Variants in HABP2 observed in about 807,000 individuals in gnomAD.
HABP2 encodes factor VII-activating protease.
HABP2 carries 65 observed loss-of-function variants against 66.5 expected under a neutral mutation model. The observed-to-expected ratio is 0.98, with a 90% confidence interval of 0.80 to 1.20. HABP2 has a LOEUF of 1.20. Ranked by LOEUF, HABP2 falls within the 50% of genes most tolerant of loss-of-function variation. HABP2 has a pLI of 0.00. For synonymous variants in HABP2, 263 were observed against 253.9 expected, an observed-to-expected ratio of 1.04 and a Z score of -0.34; for missense variants, 786 against 691.0, an observed-to-expected ratio of 1.14 and a Z score of -1.54.
chr10:113,568,918 C>A (rs555610774), intron 2 of HABP2, among the ~76,000 whole-genome samples: 1 of 152,336 alleles, frequency 6.6e-6, no homozygotes, highest in East Asian at 1.9e-4. Flanking sequence ...TCATGACACC[C>A]TGGAATTGTG....
At chr10:113,580,837 C>T (rs758224014) in intron 8 of HABP2, 145 bp downstream of exon 8, 1 of 597,522 alleles carries the variant, frequency 1.7e-6, no homozygotes, top group Non-Finnish European at 3.0e-6. Context: ...AGCCCAACTG[C>T]CCAACTGTCT....
chr10:113,580,758 C>T lies in HABP2; in HGVS notation c.838+66C>T, dbSNP rs1845513285. ...GATGGAGATTTGTAGGGAGATGTCC[C>T]TGGCACCTGGTCCCTCCCTCACCCT... On this transcript the variant is annotated intron_variant, in intron 8 of 12. Coordinates refer to ENST00000351270, the MANE Select transcript of HABP2 (RefSeq NM_004132.5). 3.7e-6 allele frequency: 3 copies of T among 821,260 alleles called. No homozygotes were observed. The East Asian group carries it at 7.3e-5, about 20-fold the overall frequency. The allele number at this position is 821,260 out of a possible 1,614,324, so 50.9% of individuals were successfully genotyped here. A position where few individuals can be genotyped will look rare whatever the true frequency, so the allele number is the denominator to read the frequency against.
chr10:113,560,737 C>T (rs1429567096), intron 1 of HABP2, among the ~76,000 whole-genome samples: 1 of 152,182 alleles, frequency 6.6e-6, no homozygotes, highest in Non-Finnish European at 1.5e-5. Flanking sequence ...ACCTTGGAAA[C>T]ACGATGCACA....
chr10:113,578,024 A>G lies in HABP2; in HGVS notation c.449-2A>G. On this transcript the variant is annotated splice_acceptor_variant, in intron 5 of 12. Coordinates refer to ENST00000351270, the MANE Select transcript of HABP2 (RefSeq NM_004132.5). LOFTEE classifies it high-confidence loss of function. ...TTCCTGGCCCCATTCCTGTGTTCAC[A>G]GTGGTTCCTGTATGCAGGCCAAACC... 6.2e-7 allele frequency: 1 copy of G among 1,614,040 alleles called. No individual in the cohort carries two copies. Among genetic ancestry groups the G allele is most frequent in the East Asian group, 2.2e-5 (1 of 44,876 alleles).
chr10:113,559,291 G>A (rs1275796155), intron 1 of HABP2, among the ~76,000 whole-genome samples: 3 of 152,180 alleles, frequency 2.0e-5, no homozygotes, highest in Non-Finnish European at 2.9e-5. Flanking sequence ...CAAGTCCCTG[G>A]GATGAGCCAT....
At chr10:113,552,997 G>C (rs1844923778), upstream of HABP2, 2 of 708,278 alleles carry the variant, frequency 2.8e-6, no homozygotes, top group African/African-American at 3.6e-5. Context: ...TTGATGCCTA[G>C]TTAATAATTT....
chr10:113,572,877 T>C (rs779793778), intron 2 of HABP2: 1 of 253,396 alleles, frequency 3.9e-6, no homozygotes. Flanking sequence ...AAAAAAGAAA[T>C]AAAAAGCTAG....
chr10:113,560,739 C>T (rs7093962), intron 1 of HABP2, among the ~76,000 whole-genome samples: 146,974 of 152,300 alleles, frequency 0.97, 71,000 homozygotes, highest in East Asian at 1. Context: ...CTTGGAAACA[C>T]GATGCACAGT....
rs767579535 is a variant in HABP2 at position 113,580,725 on chromosome 10, G to T, written c.838+33G>T. On this transcript the variant is annotated intron_variant, in intron 8 of 12. Transcript: ENST00000351270. ...CCATGGCTGTTCAGAAGCCCAGGGG[G>T]TGGGGGGGATGGAGATTTGTAGGGA... 4 of 1,126,826 alleles carry T rather than the reference G, an allele frequency of 3.5e-6. No individual in the cohort carries two copies. The South Asian group carries it at 3.7e-5, about 10-fold the overall frequency. 69.8% of individuals were successfully genotyped at this position (1,126,826 alleles called of 1,614,324 possible).
chr10:113,578,351 G>C (rs1845453351), intron 6 of HABP2, among the ~76,000 whole-genome samples: 1 of 152,196 alleles, frequency 6.6e-6, no homozygotes, highest in South Asian at 2.1e-4. Flanking sequence ...CAAACCACTT[G>C]GGCATCCCTA....
At position 113,577,263 on chromosome 10, in the gene HABP2, C is replaced by T; in HGVS notation, c.445C>T (p.Gln149Ter). Residue 149 changes from glutamine to a stop codon, truncating the protein, a stop_gained, in exon 5 of 13, where the codon CAA becomes TAA. Coordinates refer to ENST00000351270, the MANE Select transcript of HABP2 (RefSeq NM_004132.5). LOFTEE classifies it high-confidence loss of function. ...KHPYTGPSCS[Q>*]VVPVCRPNPC... is the part of the protein sequence containing the mutation. ...CCCTTACACAGGTCCCAGCTGCTCC[C>T]AAGGTAAGTGGTGGAGGCCCCTTCG... 1 of 1,545,408 alleles carries T rather than the reference C, an allele frequency of 6.5e-7. No homozygotes were observed. The highest frequency in any genetic ancestry group is 9.0e-7 in the Non-Finnish European group (1 of 1,117,248).
intron 1 of HABP2, among the ~76,000 whole-genome samples, chr10:113,563,710 C>T (rs1845142998): frequency 6.6e-6 from 1 of 152,238 alleles, no homozygotes; most frequent in Non-Finnish European, 1.5e-5. Flanking sequence ...ATGCGCAATG[C>T]TGGCCCAGGT....
Position 113,583,244 on chromosome 10 carries a change from C to G in HABP2, c.1123C>G (p.Leu375Val). The stretch of plus-strand genomic sequence containing the variant: ...AAAAACCAGACATCTAAAGGTGGTG[C>G]TAGGGGACCAGGACCTGAAGAAAGA... ...DIKTRHLKVV[L>V]GDQDLKKEEF... is the part of the protein sequence containing the mutation. Residue 375 changes from leucine to valine, a missense_variant, in exon 10 of 13, where the codon CTA (leucine) becomes GTA (valine). By Grantham distance (32) the Leu-to-Val change is conservative. Coordinates refer to ENST00000351270, the MANE Select transcript of HABP2 (RefSeq NM_004132.5). 1 of 1,613,502 alleles carries G rather than the reference C, an allele frequency of 6.2e-7. No homozygotes were observed.
intron 5 of HABP2, among the ~76,000 whole-genome samples, 200 bp downstream of exon 5, chr10:113,577,466 C>T (rs1845433108): frequency 6.6e-6 from 1 of 152,150 alleles, no homozygotes; most frequent in South Asian, 2.1e-4. Context: ...TCCCTTCCCA[C>T]CCAAAAAGAA....
rs377707443 is a variant in HABP2, at chr10:113,584,227, G to C, written c.1317G>C (p.Gly439=). 1 of 1,613,850 alleles carries C rather than the reference G, an allele frequency of 6.2e-7. No individual in the cohort carries two copies. The highest frequency in any genetic ancestry group is 1.3e-5 in the African/African-American group (1 of 75,052). Residue 439 remains glycine (G), a synonymous_variant, in exon 11 of 13, where the codon GGG becomes GGC. Transcript: ENST00000351270. ...TGAAGACTGTGTGCTTGCCTGATGG[G>C]TCCTTTCCCTCTGGGAGTGAGTGCC... ...KYVKTVCLPD[G]SFPSGSECHI...
Position 113,560,090 on chromosome 10 carries a change from T to A in HABP2, c.69+6900T>A, listed in dbSNP as rs951638952. 3.3e-5 allele frequency among the ~76,000 whole-genome samples: 5 copies of A among 152,310 alleles called. No homozygotes were observed. In the East Asian group the frequency reaches 9.6e-4, roughly 29 times the overall value. On this transcript the variant is annotated intron_variant, in intron 1 of 12. Coordinates refer to ENST00000351270, the MANE Select transcript of HABP2 (RefSeq NM_004132.5). ...TCTGGTGAACAGCTTCACCCAGGTG[T>A]CCAGGAAGGAAACCACCCACAGGCA...
chr10:113,551,075 C>T (rs1048690092), upstream of HABP2: 1 of 152,218 alleles, frequency 6.6e-6, no homozygotes, highest in Non-Finnish European at 1.5e-5. Flanking sequence ...ATTGAGTTGG[C>T]TATGCTATCT....
chr10:113,556,143 AG>A (rs1844986686), intron 1 of HABP2, among the ~76,000 whole-genome samples: 1 of 152,218 alleles, frequency 6.6e-6, no homozygotes, highest in Admixed American at 6.5e-5. Context: ...CCAGGGATAG[AG>A]CCACAAAACA....
At chr10:113,568,754 C>T (rs1482793528) in intron 2 of HABP2, among the ~76,000 whole-genome samples, 2 of 152,168 alleles carry the variant, frequency 1.3e-5, no homozygotes, top group Non-Finnish European at 2.9e-5. Flanking sequence ...TGCTCAGGCA[C>T]CGCTGAAGGG....
Sources: allele counts gnomAD v4.1 joint callset (sites outside exome capture counted in the v4.1 genomes callset), GRCh38; gene constraint gnomAD v4.1.1; transcripts MANE v1.5; gene names NCBI Gene and HGNC (gene_info 2026-07-23, HGNC 2026-07-21).